FER: variants seen among roughly 807,000 people sequenced by gnomAD.
The protein encoded by FER is FER tyrosine kinase, also known as tyrosine-protein kinase Fer.
A neutral mutation model predicts 111.0 loss-of-function variants in FER; 63 were observed. The ratio of observed to expected loss-of-function variants is 0.57; its 90% CI spans 0.46 to 0.70. The LOEUF is 0.70. Among genes scored for constraint, FER ranks in the 30% least tolerant of loss-of-function variants. The pLI, the probability that FER is intolerant of heterozygous loss-of-function variation, is 0.00. For synonymous variants in FER, 327 were observed against 313.9 expected, an observed-to-expected ratio of 1.04 and a Z score of -0.44; for missense variants, 914 against 954.0, an observed-to-expected ratio of 0.96 and a Z score of 0.55.
At chr5:108,936,900 CTGT>C (rs1755548260) in intron 10 of FER, among the ~76,000 whole-genome samples, 1 of 151,836 alleles carries the variant, frequency 6.6e-6, no homozygotes, top group Admixed American at 6.6e-5. Context: ...TAGTATTCCT[CTGT>C]TGTTTTTGAG....
intron 17 of FER, among the ~76,000 whole-genome samples, chr5:109,125,045 CA>C (rs373849561): frequency 0.055 from 4,169 of 75,594 alleles, 118 homozygotes; most frequent in African/African-American, 0.17. Context: ...GACTCTGTCT[CA>C]AAAAAAAAAA....
intron 14 of FER, among the ~76,000 whole-genome samples, chr5:109,043,218 G>T (rs982224581): frequency 3.3e-5 from 5 of 152,304 alleles, no homozygotes; most frequent in African/African-American, 1.2e-4. Flanking sequence ...AAGCTGAATC[G>T]TAAGTGCTTT....
chr5:108,901,234 C>A (rs775914767), intron 10 of FER, among the ~76,000 whole-genome samples: 7 of 151,838 alleles, frequency 4.6e-5, no homozygotes, highest in Non-Finnish European at 8.8e-5. Context: ...AAATGAATTT[C>A]TTTCTTTTTT....
At chr5:108,763,105 C>G (rs1402572840) in intron 1 of FER, among the ~76,000 whole-genome samples, 1 of 151,854 alleles carries the variant, frequency 6.6e-6, no homozygotes, top group African/African-American at 2.4e-5. Flanking sequence ...TCATGGCACA[C>G]AGATAGCATA....
chr5:108,783,248 G>C (rs1230152915), intron 2 of FER, among the ~76,000 whole-genome samples: 1 of 152,054 alleles, frequency 6.6e-6, no homozygotes, highest in African/African-American at 2.4e-5. Context: ...CTACTATTGA[G>C]CCTATCTAGC....
intron 10 of FER, among the ~76,000 whole-genome samples, chr5:108,903,135 G>T (rs1210421540): frequency 1.3e-5 from 2 of 152,006 alleles, no homozygotes; most frequent in African/African-American, 4.8e-5. Flanking sequence ...GATATGTCTA[G>T]AATTTATGGC....
chr5:109,161,555 T>C (rs1400616473), intron 17 of FER, among the ~76,000 whole-genome samples: 1 of 152,116 alleles, frequency 6.6e-6, no homozygotes, highest in Admixed American at 6.6e-5. Context: ...AGGATGTTCC[T>C]TCAAAGGACA....
intron 17 of FER, among the ~76,000 whole-genome samples, chr5:109,122,021 TA>T (rs934011785): frequency 7.2e-5 from 11 of 151,940 alleles, no homozygotes; most frequent in African/African-American, 4.8e-5. Flanking sequence ...TTTTATCTTT[TA>T]AAAAAAACAA....
intron 16 of FER, among the ~76,000 whole-genome samples, chr5:109,062,558 TTA>T (rs1491394158): frequency 9.9e-4 from 150 of 152,046 alleles, no homozygotes; most frequent in African/African-American, 3.4e-3. Context: ...ACAATATATA[TTA>T]TGTTATATGT....
At chr5:108,947,102 G>C (rs1379737746) in intron 11 of FER, among the ~76,000 whole-genome samples, 1 of 151,916 alleles carries the variant, frequency 6.6e-6, no homozygotes, top group African/African-American at 2.4e-5. Flanking sequence ...CCAGCTGATG[G>C]ACATTTGGTT....
intron 14 of FER, among the ~76,000 whole-genome samples, chr5:109,037,874 A>T (rs1770616624): frequency 6.6e-6 from 1 of 152,000 alleles, no homozygotes; most frequent in African/African-American, 2.4e-5. Context: ...TAGTTTAGAA[A>T]AAAATGAAAT....
intron 13 of FER, 126 bp from the exon 14 acceptor site, chr5:109,037,296 A>G: frequency 1.5e-6 from 1 of 680,724 alleles, no homozygotes; most frequent in Middle Eastern, 2.5e-4. Flanking sequence ...ATAACTTCTC[A>G]GTGTGCTGTT....
chr5:109,003,921 A>C (rs1437044378), intron 13 of FER, among the ~76,000 whole-genome samples: 1 of 152,226 alleles, frequency 6.6e-6, no homozygotes, highest in African/African-American at 2.4e-5. Context: ...TTGAGGCTGT[A>C]GTGAGCTGTG....
chr5:109,155,731 G>T (rs1287685681), intron 17 of FER, among the ~76,000 whole-genome samples: 2 of 151,940 alleles, frequency 1.3e-5, no homozygotes, highest in Non-Finnish European at 2.9e-5. Context: ...TTCTGAAATG[G>T]ATGATAAAAT....
intron 3 of FER, among the ~76,000 whole-genome samples, chr5:108,815,298 C>G (rs1273728537): frequency 2.0e-5 from 3 of 151,792 alleles, no homozygotes; most frequent in Non-Finnish European, 1.5e-5. Context: ...TTATATATTG[C>G]CAATATAAAT....
intron 2 of FER, chr5:108,785,688 C>G (rs910148950): frequency 1.8e-5 from 6 of 333,620 alleles, no homozygotes; most frequent in African/African-American, 1.3e-4. Context: ...GTTAATCTCT[C>G]TTGCTGGTGG....
chr5:109,101,844 T>C (rs1748268863), intron 17 of FER, among the ~76,000 whole-genome samples: 2 of 152,128 alleles, frequency 1.3e-5, no homozygotes. Context: ...AATCTGTAAT[T>C]TTGGTTGCCG....
intron 16 of FER, among the ~76,000 whole-genome samples, chr5:109,071,547 A>G (rs188867206): frequency 6.6e-6 from 1 of 152,094 alleles, no homozygotes; most frequent in East Asian, 1.9e-4. Context: ...TGTTCCTATT[A>G]TGCTTGAAAA....
At chr5:109,052,926 T>C (rs991940229) in intron 16 of FER, among the ~76,000 whole-genome samples, 2 of 152,252 alleles carry the variant, frequency 1.3e-5, no homozygotes, top group African/African-American at 4.8e-5. Context: ...TTAAGTTCAT[T>C]GGTTGATCTT....
Sources: gnomAD v4.1 joint callset for allele counts (sites outside exome capture counted in the v4.1 genomes callset) on GRCh38, gnomAD v4.1.1 for gene constraint, MANE v1.5 for transcripts, NCBI Gene and HGNC (gene_info 2026-07-23, HGNC 2026-07-21) for gene names.